Variants in SORCS1 observed in about 807,000 individuals in gnomAD.
The protein encoded by SORCS1 is sortilin related VPS10 domain containing receptor 1.
A neutral mutation model predicts 146.1 loss-of-function variants in SORCS1; 60 were observed. The observed-to-expected ratio is 0.41, with a 90% CI of 0.33 to 0.51. SORCS1 has a LOEUF of 0.51. Among genes scored for constraint, SORCS1 ranks in the 20% least tolerant of loss-of-function variants. SORCS1 has a pLI of 0.21. For missense variants in SORCS1, 1,352 were observed against 1,487.6 expected, an observed-to-expected ratio of 0.91 and a Z score of 1.50; for synonymous variants, 637 against 584.0, an observed-to-expected ratio of 1.09 and a Z score of -1.31.
At chr10:106,658,790 G>T (rs945789682) in intron 17 of SORCS1, among the ~76,000 whole-genome samples, 8 of 152,166 alleles carry the variant, frequency 5.3e-5, no homozygotes, top group African/African-American at 1.9e-4. Flanking sequence ...GGCTACGATG[G>T]CATGGCTTAA....
chr10:107,003,468 G>A (rs966066271), intron 1 of SORCS1, among the ~76,000 whole-genome samples: 7 of 138,828 alleles, frequency 5.0e-5, no homozygotes, highest in Middle Eastern at 3.3e-3. Flanking sequence ...GTGTGTGTGT[G>A]TGTGTAGTAA....
At chr10:107,039,873 G>A (rs1399226549) in intron 1 of SORCS1, among the ~76,000 whole-genome samples, 1 of 152,170 alleles carries the variant, frequency 6.6e-6, no homozygotes, top group Non-Finnish European at 1.5e-5. Context: ...ACTTTGGGAG[G>A]CTGAAGTGGG....
chr10:106,776,486 C>T lies in SORCS1; in HGVS notation c.885+48G>A, dbSNP rs199833571. On this transcript the variant is annotated intron_variant, in intron 4 of 25. Transcript: ENST00000263054. ...GAGATGATTAAATTAGCACTATTTT[C>T]CCCGGAGAACCATGCTTCATTGTCT... 128 of 1,603,384 alleles carry T rather than the reference C, an allele frequency of 8.0e-5. No homozygotes were observed. The East Asian group carries it at 2.7e-3, about 34-fold the overall frequency.
chr10:106,736,403 C>T (rs906543890), intron 5 of SORCS1, among the ~76,000 whole-genome samples: 2 of 151,986 alleles, frequency 1.3e-5, no homozygotes, highest in African/African-American at 4.8e-5. Flanking sequence ...GGTTGGAGAC[C>T]CCTGCCTTCC....
intron 2 of SORCS1, among the ~76,000 whole-genome samples, chr10:106,850,181 C>A (rs1025215177): frequency 2.6e-5 from 4 of 151,966 alleles, no homozygotes; most frequent in Admixed American, 2.0e-4. Context: ...GCCCCTCCCC[C>A]AGCCTCGCTG....
intron 17 of SORCS1, among the ~76,000 whole-genome samples, chr10:106,660,031 G>T (rs560742434): frequency 1.1e-4 from 17 of 152,248 alleles, no homozygotes; most frequent in Non-Finnish European, 2.2e-4. Context: ...TTGCCTTTTT[G>T]TGGACTTTAA....
In SORCS1 at chr10:106,963,286, T is replaced by C. The variant is rs1319462201; in HGVS notation, c.559-6706A>G. On this transcript the variant is annotated intron_variant, in intron 1 of 25. Transcript: ENST00000263054. ...GCCCACCACCACGCCCGGCTAACTTTCCGTATTTTTAGTAGAGACAGGGTT... is the reference window on the plus strand; with the variant it reads ...GCCCACCACCACGCCCGGCTAACTTCCCGTATTTTTAGTAGAGACAGGGTT... Among the ~76,000 whole-genome samples the C allele has an allele frequency of 2.6e-5, 4 of 151,752 alleles. No homozygotes were observed. In the South Asian group the frequency reaches 8.3e-4, roughly 32 times the overall value.
intron 1 of SORCS1, among the ~76,000 whole-genome samples, chr10:107,012,278 T>C (rs921259897): frequency 2.0e-5 from 3 of 152,152 alleles, no homozygotes; most frequent in African/African-American, 7.2e-5. Context: ...GCTAGACATT[T>C]GAGATATGTC....
chr10:107,029,259 C>G (rs986505609), intron 1 of SORCS1, among the ~76,000 whole-genome samples: 4 of 152,168 alleles, frequency 2.6e-5, no homozygotes, highest in Admixed American at 2.0e-4. Context: ...TAGCATCATT[C>G]TGTAACACTG....
At chr10:106,655,654 C>T (rs1261514560) in intron 17 of SORCS1, among the ~76,000 whole-genome samples, 2 of 152,128 alleles carry the variant, frequency 1.3e-5, no homozygotes, top group Non-Finnish European at 2.9e-5. Flanking sequence ...ACAGAAAAGG[C>T]TGTTGGTAAT....
At chr10:106,933,213 C>T (rs1181524888) in intron 2 of SORCS1, among the ~76,000 whole-genome samples, 1 of 152,094 alleles carries the variant, frequency 6.6e-6, no homozygotes, top group East Asian at 1.9e-4. Flanking sequence ...CAAGCAAACC[C>T]CAGAAAAATA....
At position 106,757,447 on chromosome 10, in the gene SORCS1, A is replaced by G. The variant is rs1349210326; in HGVS notation, c.959+4141T>C. 3.9e-5 allele frequency among the ~76,000 whole-genome samples: 6 copies of G among 152,290 alleles called. No individual in the cohort carries two copies. The East Asian group carries it at 1.2e-3, about 29-fold the overall frequency. On this transcript the variant is annotated intron_variant, in intron 5 of 25. Coordinates refer to ENST00000263054, the MANE Select transcript of SORCS1 (RefSeq NM_052918.5). ...TAGATAGCCCCATAGTTCCTACATA[A>G]TTTGAAGTAACTGGTTTCCAGAAGT...
chr10:106,775,979 T>C (rs1388224779), intron 4 of SORCS1, among the ~76,000 whole-genome samples: 3 of 152,214 alleles, frequency 2.0e-5, no homozygotes, highest in African/African-American at 7.2e-5. Context: ...TGAGCTCATT[T>C]AATCCTTTCT....
At chr10:107,004,545 A>C (rs1368712046) in intron 1 of SORCS1, among the ~76,000 whole-genome samples, 1 of 152,084 alleles carries the variant, frequency 6.6e-6, no homozygotes, top group East Asian at 1.9e-4. Context: ...TCTCATCAGA[A>C]CAGTATGGAG....
chr10:106,802,147 G>C (rs1946935122), intron 3 of SORCS1, among the ~76,000 whole-genome samples: 1 of 152,190 alleles, frequency 6.6e-6, no homozygotes, highest in African/African-American at 2.4e-5. Context: ...CATATGGAGA[G>C]TAAAGACAGA....
chr10:107,103,251 CAAAACAACGTTAA>C (rs1232814674), intron 1 of SORCS1, among the ~76,000 whole-genome samples: 5 of 152,180 alleles, frequency 3.3e-5, no homozygotes, highest in African/African-American at 1.2e-4. Flanking sequence ...ACATTTCCCA[CAAAACAACGTTAA>C]GAAACAAAGG....
chr10:106,620,330 T>C, intron 20 of SORCS1, 98 bp downstream of exon 20: 1 of 1,467,772 alleles, frequency 6.8e-7, no homozygotes, highest in South Asian at 1.4e-5. Context: ...CAACTGCTTC[T>C]ACACTCTAGG....
At chr10:107,039,130 C>A (rs1959048820) in intron 1 of SORCS1, among the ~76,000 whole-genome samples, 1 of 151,628 alleles carries the variant, frequency 6.6e-6, no homozygotes, top group Non-Finnish European at 1.5e-5. Context: ...GAGATCGAGA[C>A]CATCCTGGCT....
intron 4 of SORCS1, among the ~76,000 whole-genome samples, chr10:106,768,388 ATATCAG>A (rs1320769766): frequency 1.3e-5 from 2 of 152,202 alleles, no homozygotes; most frequent in Non-Finnish European, 2.9e-5. Context: ...CATTAGGTAG[ATATCAG>A]TTTCCTAAGT....
Sources: gnomAD v4.1 joint callset for allele counts (sites outside exome capture counted in the v4.1 genomes callset) on GRCh38, gnomAD v4.1.1 for gene constraint, MANE v1.5 for transcripts, NCBI Gene and HGNC (gene_info 2026-07-23, HGNC 2026-07-21) for gene names.